FBXL18: variants seen among roughly 807,000 people sequenced by gnomAD.
FBXL18 encodes F-box/LRR-repeat protein 18.
In FBXL18, 36 loss-of-function variants were observed where a neutral mutation model predicts 46.0. The observed-to-expected ratio is 0.78, with a 90% CI of 0.60 to 1.03. FBXL18 has a LOEUF of 1.03. FBXL18 is among the 50% of genes least tolerant of loss of function. The pLI is 0.00. For missense variants in FBXL18, 977 were observed against 1,004.1 expected (o/e 0.97, Z 0.36); for synonymous variants, 557 against 465.3 (o/e 1.20, Z -2.54).
chr7:5,490,954 G>A (rs548602634), intron 4 of FBXL18, among the ~76,000 whole-genome samples: 18 of 152,320 alleles, frequency 1.2e-4, no homozygotes, highest in South Asian at 2.1e-4. Flanking sequence ...GTGAGACTCC[G>A]TCTCAAAAGT....
intron 4 of FBXL18, among the ~76,000 whole-genome samples, chr7:5,488,467 C>A (rs1255901083): frequency 6.6e-6 from 1 of 152,216 alleles, no homozygotes; most frequent in Admixed American, 6.5e-5. Flanking sequence ...TTCTCCGCTG[C>A]AGCAAGGAAA....
chr7:5,474,981 G>T (rs1432436886), downstream of FBXL18, among the ~76,000 whole-genome samples: 5 of 147,152 alleles, frequency 3.4e-5, no homozygotes, highest in Admixed American at 6.7e-5. Flanking sequence ...GTGCTGGGAT[G>T]ACAGGCGTGA....
rs1269250206 is a variant in FBXL18 at position 5,476,319 on chromosome 7, G to A, written c.*5456C>T. On this transcript the variant is annotated 3_prime_UTR_variant, in exon 5 of 5. Transcript: ENST00000382368. ...TCCCCGGGAGGCTTCTGTGGCCAGG[G>A]TTCCCATGGCGGGTCTGGTGGCAAC... 6.6e-6 allele frequency: 1 copy of A among 152,272 alleles called. No homozygotes were observed. The highest frequency in any genetic ancestry group is 1.5e-5 in the Non-Finnish European group (1 of 68,098). 9.4% of individuals were successfully genotyped at this position (152,272 alleles called of 1,614,324 possible).
rs181525460 is a variant in FBXL18, at chr7:5,513,792, C to T, written c.-118G>A. 4 of 1,413,756 alleles carry T rather than the reference C, an allele frequency of 2.8e-6. No homozygotes were observed. Among genetic ancestry groups the T allele is most frequent in the Middle Eastern group, 2.5e-4 (1 of 4,044 alleles). The allele number at this position is 1,413,756 out of a possible 1,614,324, so 87.6% of individuals were successfully genotyped here. On this transcript the variant is annotated 5_prime_UTR_variant, in exon 1 of 5. Transcript: ENST00000382368. ...GCTCAACCGAGACCCCGGCAAGGAG[C>T]GGGCTCTCGTCACTTCCGGCGCCCG...
chr7:5,509,616 C>T (rs1246574346), intron 1 of FBXL18, among the ~76,000 whole-genome samples: 2 of 148,080 alleles, frequency 1.4e-5, no homozygotes, highest in Non-Finnish European at 3.0e-5. Flanking sequence ...GCAGAAGAAT[C>T]GCTTGAACCT....
intron 4 of FBXL18, among the ~76,000 whole-genome samples, chr7:5,462,742 G>C (rs748280977): frequency 1.1e-4 from 17 of 151,344 alleles, no homozygotes; most frequent in Admixed American, 2.0e-4. Flanking sequence ...ACGAGGTCAG[G>C]AGATTCAGAC....
chr7:5,496,181 C>T lies in FBXL18; in HGVS notation c.1781+4307G>A, dbSNP rs1261619127. 6.6e-6 allele frequency among the ~76,000 whole-genome samples: 1 copy of T among 152,146 alleles called. No homozygotes were observed. Among genetic ancestry groups the T allele is most frequent in the Non-Finnish European group, 1.5e-5 (1 of 68,026 alleles). On this transcript the variant is annotated intron_variant, in intron 3 of 4. Coordinates refer to ENST00000382368, the MANE Select transcript of FBXL18 (RefSeq NM_024963.6). This position sits in a 1 kb window ranked among gnomAD's most constrained non-coding sequence, Gnocchi z 4.8. ...CTCTCTGGGCCTTACTTTCTTCATCCATTAAGTGGGTACAACTGTGTCGAC... is the reference window on the plus strand; with the variant it reads ...CTCTCTGGGCCTTACTTTCTTCATCTATTAAGTGGGTACAACTGTGTCGAC...
intron 1 of FBXL18, among the ~76,000 whole-genome samples, chr7:5,512,887 G>A (rs934645350): frequency 1.3e-5 from 2 of 152,120 alleles, no homozygotes; most frequent in Admixed American, 1.3e-4. Flanking sequence ...CTCTGAGGAA[G>A]ACACTTGAGC....
intron 1 of FBXL18, among the ~76,000 whole-genome samples, chr7:5,509,067 C>G (rs1207894677): frequency 6.6e-6 from 1 of 151,782 alleles, no homozygotes; most frequent in Admixed American, 6.6e-5. Context: ...GTGGCACACG[C>G]CTATAGTCCC....
intron 4 of FBXL18, among the ~76,000 whole-genome samples, chr7:5,460,588 G>C (rs1234933514): frequency 2.6e-5 from 4 of 152,156 alleles, no homozygotes; most frequent in Non-Finnish European, 5.9e-5. Context: ...CGAGCAGCTG[G>C]GGTTACCGGC....
intron 3 of FBXL18, among the ~76,000 whole-genome samples, chr7:5,494,633 G>A (rs964536089): frequency 6.6e-6 from 1 of 152,180 alleles, no homozygotes; most frequent in Non-Finnish European, 1.5e-5. Context: ...CAGACCGGAA[G>A]GTGGGAAACG....
chr7:5,501,737 G>A lies in FBXL18; in HGVS notation c.532C>T (p.Gln178Ter). Residue 178 changes from glutamine to a stop codon, truncating the protein, a stop_gained, in exon 3 of 5, where the codon CAG (glutamine) becomes TAG (stop). Transcript: ENST00000382368. LOFTEE classifies it high-confidence loss of function. ...ATLSRVRELK[Q>*]TLFTPSYGVV... is the part of the protein sequence containing the mutation. Reference sequence around the variant, plus strand: ...CCGTAGGAGGGAGTGAACAGCGTCTGCTTGAGCTCCCGCACGCGGCTCAGG... The same window carrying A: ...CCGTAGGAGGGAGTGAACAGCGTCTACTTGAGCTCCCGCACGCGGCTCAGG... 3.2e-6 allele frequency: 5 copies of A among 1,569,706 alleles called. No individual in the cohort carries two copies. The highest frequency in any genetic ancestry group is 3.5e-6 in the Non-Finnish European group (4 of 1,157,010).
intron 4 of FBXL18, among the ~76,000 whole-genome samples, chr7:5,469,876 G>A (rs1167372864): frequency 6.6e-6 from 1 of 151,306 alleles, no homozygotes; most frequent in Admixed American, 6.6e-5. Context: ...GAGTGTGAGT[G>A]TGCAGGTGTG....
intron 4 of FBXL18, among the ~76,000 whole-genome samples, chr7:5,484,692 G>A (rs1400860640): frequency 6.7e-6 from 1 of 148,636 alleles, no homozygotes; most frequent in African/African-American, 2.5e-5. Flanking sequence ...CGGCTGGAGT[G>A]CAATCGCGTG....
At chr7:5,505,770 A>G in intron 1 of FBXL18, 140 bp from the exon 2 acceptor site, 1 of 666,832 alleles carries the variant, frequency 1.5e-6, no homozygotes. Context: ...ACTGAATGAC[A>G]AAGAATTCAC....
At chr7:5,458,582 G>A (rs748143803) in intron 4 of FBXL18, among the ~76,000 whole-genome samples, 16 of 151,930 alleles carry the variant, frequency 1.1e-4, no homozygotes, top group Non-Finnish European at 2.2e-4. Flanking sequence ...CCTGTAATCC[G>A]AGCTACTCAA....
rs1784600646 is a variant in FBXL18, at chr7:5,513,696, C to T, written c.-22G>A. On this transcript the variant is annotated 5_prime_UTR_variant, in exon 1 of 5. Coordinates refer to ENST00000382368, the MANE Select transcript of FBXL18 (RefSeq NM_024963.6). ...CCATGTCGCCGGCGGGTCCGAACCG[C>T]GGCCGCGGGATCCGCAACCCCGTGC... The T allele has an allele frequency of 6.3e-7, 1 of 1,598,276 alleles. No individual in the cohort carries two copies. The highest frequency in any genetic ancestry group is 1.7e-5 in the Admixed American group (1 of 57,958).
downstream of FBXL18, among the ~76,000 whole-genome samples, chr7:5,473,082 G>A (rs533577618): frequency 2.4e-4 from 36 of 152,076 alleles, no homozygotes; most frequent in African/African-American, 5.3e-4. Flanking sequence ...CCCCAGCACC[G>A]ACCGCTGATT....
At chr7:5,483,383 G>A (rs1008015971) in intron 4 of FBXL18, among the ~76,000 whole-genome samples, 4 of 151,866 alleles carry the variant, frequency 2.6e-5, no homozygotes. Context: ...GGAGTTTCCA[G>A]TGAGCCGAGA....
Sources: gnomAD v4.1 joint callset for allele counts (sites outside exome capture counted in the v4.1 genomes callset) on GRCh38, gnomAD v4.1.1 for gene constraint, Gnocchi (gnomAD v3.1) non-coding constraint, MANE v1.5 for transcripts, NCBI Gene and HGNC (gene_info 2026-07-23, HGNC 2026-07-21) for gene names.